SULT2B1: variants seen among roughly 807,000 people sequenced by gnomAD.
SULT2B1 encodes sulfotransferase family 2B member 1.
SULT2B1 carries 16 observed loss-of-function variants against 33.2 expected under a neutral mutation model. The ratio of observed to expected loss-of-function variants is 0.48; its 90% CI spans 0.33 to 0.73. The LOEUF (loss-of-function observed/expected upper bound fraction) is 0.73. Ranked by LOEUF, SULT2B1 falls within the 30% of genes least tolerant of loss-of-function variation. SULT2B1 has a pLI of 0.02. For synonymous variants in SULT2B1, 186 were observed against 200.5 expected, an observed-to-expected ratio of 0.93 and a Z score of 0.61; for missense variants, 500 against 506.0, an observed-to-expected ratio of 0.99 and a Z score of 0.11.
intron 1 of SULT2B1, among the ~76,000 whole-genome samples, chr19:48,568,939 G>A (rs1029544003): frequency 6.6e-6 from 1 of 152,098 alleles, no homozygotes; most frequent in African/African-American, 2.4e-5. Context: ...TCCCTCTCTC[G>A]CTACCTTCAG....
Position 48,552,377 on chromosome 19 carries a change from T to C in SULT2B1, c.71+54T>C, listed in dbSNP as rs1177449783. On this transcript the variant is annotated intron_variant, in intron 1 of 6. Transcript: ENST00000201586. This position sits in a 1 kb window ranked among gnomAD's most constrained non-coding sequence, Gnocchi z 4.8. ...GAGATCCCAGGGAGGAGGTGGCTGTTTGGGGGAGCCGGGGACTGTGGCAAG... is the reference window on the plus strand; with the variant it reads ...GAGATCCCAGGGAGGAGGTGGCTGTCTGGGGGAGCCGGGGACTGTGGCAAG... The C allele has an allele frequency of 1.6e-5, 25 of 1,592,764 alleles. No individual in the cohort carries two copies. Among genetic ancestry groups the C allele is most frequent in the Non-Finnish European group, 2.0e-5 (23 of 1,166,126 alleles).
intron 1 of SULT2B1, among the ~76,000 whole-genome samples, chr19:48,570,242 C>T (rs1037822504): frequency 6.7e-6 from 1 of 149,666 alleles, no homozygotes; most frequent in African/African-American, 2.5e-5. Flanking sequence ...TGCAATGGCG[C>T]GATCTGGGCT....
rs769209838 is a variant in SULT2B1, at chr19:48,552,296, C to T, written c.44C>T (p.Thr15Ile). Residue 15 changes from threonine to isoleucine, a missense_variant, in exon 1 of 7, where the codon ACC becomes ATC. Transcript: ENST00000201586. This position sits in a 1 kb window ranked among gnomAD's most constrained non-coding sequence, Gnocchi z 4.8. ...AEPQIPGLWD[T>I]YEDDISEISQ... ...CCCCAGATCCCGGGCTTGTGGGACA[C>T]CTATGAAGATGACATCTCGGAAATC... The T allele has an allele frequency of 2.5e-6, 4 of 1,614,042 alleles. No homozygotes were observed. The highest frequency in any genetic ancestry group is 1.1e-5 in the South Asian group (1 of 91,072).
Position 48,577,612 on chromosome 19 carries a change from C to T in SULT2B1, c.214+1529C>T, listed in dbSNP as rs576353357. 8.6e-5 allele frequency among the ~76,000 whole-genome samples: 13 copies of T among 152,028 alleles called. No homozygotes were observed. The South Asian group carries it at 2.7e-3, about 32-fold the overall frequency. ...ATCTCTTGACCTCTTGATCTGCCCA[C>T]CTCGGCCTCCCAAAGTGCTGCGATT... On this transcript the variant is annotated intron_variant, in intron 2 of 6. Coordinates refer to ENST00000201586, the MANE Select transcript of SULT2B1 (RefSeq NM_177973.2).
At chr19:48,582,437 G>T (rs536253858) in intron 2 of SULT2B1, among the ~76,000 whole-genome samples, 1 of 152,182 alleles carries the variant, frequency 6.6e-6, no homozygotes, top group South Asian at 2.1e-4. Context: ...GCAGTACTTG[G>T]CATTGAACAC....
intron 1 of SULT2B1, among the ~76,000 whole-genome samples, chr19:48,554,443 CCT>C (rs1170399012): frequency 6.9e-6 from 1 of 145,596 alleles, no homozygotes; most frequent in African/African-American, 2.6e-5. Flanking sequence ...AACCCCCACC[CCT>C]GTCCCCTGAC....
intron 1 of SULT2B1, among the ~76,000 whole-genome samples, chr19:48,575,260 C>G (rs975359728): frequency 6.6e-6 from 1 of 150,522 alleles, no homozygotes; most frequent in Non-Finnish European, 1.5e-5. Context: ...AGGTGCCCAC[C>G]ACCACACCTG....
chr19:48,557,649 G>C (rs1466820254), intron 1 of SULT2B1, among the ~76,000 whole-genome samples: 1 of 152,152 alleles, frequency 6.6e-6, no homozygotes, highest in South Asian at 2.1e-4. Flanking sequence ...GGGCACGGTG[G>C]CTCACGCCTG....
chr19:48,564,280 G>A (rs1310253848), intron 1 of SULT2B1, among the ~76,000 whole-genome samples: 1 of 151,144 alleles, frequency 6.6e-6, no homozygotes, highest in South Asian at 2.1e-4. Flanking sequence ...TAGGTCGGGT[G>A]CAGTGGCTCA....
intron 1 of SULT2B1, among the ~76,000 whole-genome samples, chr19:48,571,899 C>T (rs1346095420): frequency 1.3e-5 from 2 of 152,090 alleles, no homozygotes; most frequent in African/African-American, 4.8e-5. Context: ...AGGCATGAGG[C>T]ACCATGCCCG....
At chr19:48,561,931 A>G (rs539986995) in intron 1 of SULT2B1, among the ~76,000 whole-genome samples, 1 of 152,174 alleles carries the variant, frequency 6.6e-6, no homozygotes, top group East Asian at 1.9e-4. Context: ...CCTGGTCAAC[A>G]TGGCAAAAAC....
chr19:48,554,572 C>A (rs1355388773), intron 1 of SULT2B1, among the ~76,000 whole-genome samples: 1 of 149,918 alleles, frequency 6.7e-6, no homozygotes. Context: ...CTCCTCCCAG[C>A]CATCCAGTGA....
At chr19:48,582,383 C>T (rs1973503960) in intron 2 of SULT2B1, among the ~76,000 whole-genome samples, 1 of 141,060 alleles carries the variant, frequency 7.1e-6, no homozygotes, top group African/African-American at 3.0e-5. Context: ...AATCTTTTGC[C>T]TATGTATATA....
chr19:48,599,170 G>A lies in SULT2B1; in HGVS notation c.862G>A (p.Ala288Thr). The change falls in exon 7 of 7, where the codon GCC (alanine) becomes ACC (threonine). Residue 288 changes from alanine (A) to threonine (T), a missense_variant. Physicochemically the swap from Ala to Thr is moderately conservative, Grantham distance 58. Coordinates refer to ENST00000201586, the MANE Select transcript of SULT2B1 (RefSeq NM_177973.2). The surrounding 1 kb of genome is among the most constrained non-coding windows in gnomAD (Gnocchi z 4.1). ...CGDWKNHFTV[A>T]QSEAFDRAYR... ...CGACTGGAAGAACCACTTCACGGTG[G>A]CCCAGAGCGAAGCCTTCGATCGTGC... 3 of 1,596,136 alleles carry A rather than the reference G, an allele frequency of 1.9e-6. No individual in the cohort carries two copies. Among genetic ancestry groups the A allele is most frequent in the East Asian group, 2.3e-5 (1 of 44,266 alleles).
In SULT2B1 at chr19:48,561,112, G is replaced by A. The variant is rs145354324; in HGVS notation, c.71+8789G>A. ...CGCACCACTGCACTCCAGCCTGGGA[G>A]ACAGAGCAAGATCTTGTCTCAAAAA... On this transcript the variant is annotated intron_variant, in intron 1 of 6. Transcript: ENST00000201586. Among the ~76,000 whole-genome samples, 559 of 148,618 alleles carry A rather than the reference G, an allele frequency of 3.8e-3. 6 individuals are homozygous for A. The highest frequency in any genetic ancestry group is 0.016 in the South Asian group (76 of 4,672).
Position 48,592,291 on chromosome 19 carries a change from C to CA in SULT2B1, c.551-423dup, listed in dbSNP as rs1276258481. On this transcript the variant is annotated intron_variant, in intron 4 of 6. Transcript: ENST00000201586. ...TGGGCGACAGAGTGAGACTCCGTCT[C>CA]AAAAAAAATAAAAAATAAAAAGAGA... 6.0e-4 allele frequency among the ~76,000 whole-genome samples: 89 copies of CA among 148,986 alleles called. 1 individual carries two copies. The East Asian group carries it at 0.014, about 23-fold the overall frequency.
chr19:48,564,567 A>G (rs1973221457), intron 1 of SULT2B1, among the ~76,000 whole-genome samples: 1 of 150,894 alleles, frequency 6.6e-6, no homozygotes, highest in Admixed American at 6.6e-5. Context: ...AAAAAAAAAA[A>G]AAAAAAAAGA....
chr19:48,566,045 T>C (rs982893569), intron 1 of SULT2B1, among the ~76,000 whole-genome samples: 2 of 151,970 alleles, frequency 1.3e-5, no homozygotes, highest in African/African-American at 4.8e-5. Flanking sequence ...CCCAAGTAGC[T>C]GGGACTACAG....
intron 5 of SULT2B1, among the ~76,000 whole-genome samples, chr19:48,595,266 G>C (rs1261237685): frequency 1.5e-5 from 2 of 136,352 alleles, no homozygotes; most frequent in Non-Finnish European, 3.1e-5. Flanking sequence ...TGGACAAAAA[G>C]AGCGAAACTC....
Sources: gnomAD v4.1 joint callset for allele counts (sites outside exome capture counted in the v4.1 genomes callset) on GRCh38, gnomAD v4.1.1 for gene constraint, Gnocchi (gnomAD v3.1) non-coding constraint, MANE v1.5 for transcripts, NCBI Gene and HGNC (gene_info 2026-07-23, HGNC 2026-07-21) for gene names.